DDR2: variants seen among roughly 807,000 people sequenced by gnomAD.
DDR2 encodes the protein discoidin domain receptor tyrosine kinase 2.
DDR2 carries 27 observed loss-of-function variants against 94.9 expected under a neutral mutation model. The ratio of observed to expected loss-of-function variants is 0.28; its 90% confidence interval spans 0.21 to 0.39. The LOEUF (loss-of-function observed/expected upper bound fraction) is 0.39, where lower values mean the gene tolerates loss of function less well. DDR2 is among the 10% of genes least tolerant of loss of function. The pLI, the probability that DDR2 is intolerant of heterozygous loss-of-function variation, is 1.00. For synonymous variants in DDR2, 382 were observed against 377.2 expected (o/e 1.01, Z -0.15); for missense variants, 783 against 1,076.0 (o/e 0.73, Z 3.81).
intron 11 of DDR2, among the ~76,000 whole-genome samples, chr1:162,767,663 C>A (rs1664064085): frequency 6.6e-6 from 1 of 152,032 alleles, no homozygotes; most frequent in Non-Finnish European, 1.5e-5. Flanking sequence ...TGGGTAGAGT[C>A]CAGGCATCCA....
intron 2 of DDR2, among the ~76,000 whole-genome samples, chr1:162,680,577 C>A (rs148264035): frequency 1.3e-5 from 2 of 152,144 alleles, no homozygotes; most frequent in African/African-American, 4.8e-5. Flanking sequence ...TAACATGATA[C>A]CTCCTGGTTT....
Position 162,755,669 on chromosome 1 carries a change from T to G in DDR2, c.571T>G (p.Leu191Val). ...ELYGCVWLDG[L>V]VSYNAPAGQQ... ...TGGCTGTGTTTCCTTTGCAGATGGC[T>G]TGGTGTCTTACAATGCTCCAGCTGG... The change falls in exon 7 of 18, where the codon TTG (leucine) becomes GTG (valine). Residue 191 changes from leucine to valine, a missense_variant. Leu to Val is a conservative substitution (Grantham distance 32). Around this residue, in one of 2 missense-constraint regions of DDR2, gnomAD observed 519 missense variants for 647.9 expected, o/e 0.80. Coordinates refer to ENST00000367921, the MANE Select transcript of DDR2 (RefSeq NM_006182.4). 6.2e-7 allele frequency: 1 copy of G among 1,614,146 alleles called. No homozygotes were observed. Among genetic ancestry groups the G allele is most frequent in the Non-Finnish European group, 8.5e-7 (1 of 1,179,982 alleles).
intron 3 of DDR2, among the ~76,000 whole-genome samples, chr1:162,726,650 G>A (rs1345909635): frequency 6.6e-6 from 1 of 152,132 alleles, no homozygotes; most frequent in Non-Finnish European, 1.5e-5. Context: ...ATGATCATGG[G>A]ACTCCAGGAA....
chr1:162,660,995 G>A (rs1428851965), intron 2 of DDR2, among the ~76,000 whole-genome samples: 1 of 152,148 alleles, frequency 6.6e-6, no homozygotes, highest in African/African-American at 2.4e-5. Context: ...TTTCCTTAAA[G>A]AATCAAATAG....
At chr1:162,744,938 C>T (rs1430337691) in intron 3 of DDR2, among the ~76,000 whole-genome samples, 3 of 152,150 alleles carry the variant, frequency 2.0e-5, no homozygotes, top group Non-Finnish European at 2.9e-5. Context: ...CTGACTGCAT[C>T]ATTTTACATT....
chr1:162,657,904 C>A (rs1255359780), intron 2 of DDR2, among the ~76,000 whole-genome samples: 1 of 152,056 alleles, frequency 6.6e-6, no homozygotes, highest in Non-Finnish European at 1.5e-5. Flanking sequence ...CCAACGCCCC[C>A]ACCTCGGCTC....
At chr1:162,640,516 G>A (rs1448499262) in intron 1 of DDR2, among the ~76,000 whole-genome samples, 1 of 152,078 alleles carries the variant, frequency 6.6e-6, no homozygotes, top group African/African-American at 2.4e-5. Context: ...ACCTACAACT[G>A]CTTTAAAAAG....
intron 1 of DDR2, among the ~76,000 whole-genome samples, chr1:162,639,237 GC>G (rs1455093348): frequency 1.3e-5 from 2 of 152,116 alleles, no homozygotes; most frequent in Non-Finnish European, 2.9e-5. Flanking sequence ...TGACTTCAAG[GC>G]TTACTGTAAA....
At chr1:162,727,645 T>A (rs1004844399) in intron 3 of DDR2, among the ~76,000 whole-genome samples, 1 of 149,482 alleles carries the variant, frequency 6.7e-6, no homozygotes, top group Non-Finnish European at 1.5e-5. Context: ...TGATTGCCTA[T>A]ATAAGCCAAG....
intron 1 of DDR2, among the ~76,000 whole-genome samples, chr1:162,647,180 C>G (rs1033589598): frequency 1.3e-5 from 2 of 152,096 alleles, no homozygotes; most frequent in South Asian, 4.1e-4. Context: ...GTAGAAAGTA[C>G]AAATCTATCT....
At position 162,754,613 on chromosome 1, in the gene DDR2, C is replaced by G; in HGVS notation, c.186-11C>G. On this transcript the variant is annotated splice_polypyrimidine_tract_variant and intron_variant, in intron 4 of 17. Transcript: ENST00000367921. ...GGTTGCTCCCTCTCTCCCCAACCCTCACCTCTCAAGGCTGGACTCAGAAGA... is the reference window on the plus strand; with the variant it reads ...GGTTGCTCCCTCTCTCCCCAACCCTGACCTCTCAAGGCTGGACTCAGAAGA... 1 of 1,613,868 alleles carries G rather than the reference C, an allele frequency of 6.2e-7. No homozygotes were observed. Among genetic ancestry groups the G allele is most frequent in the South Asian group, 1.1e-5 (1 of 91,074 alleles).
Position 162,767,298 on chromosome 1 carries a change from T to C in DDR2, c.1232T>C (p.Ile411Thr). Residue 411 changes from isoleucine (I) to threonine (T), a missense_variant, in exon 11 of 18, where the codon ATC becomes ACC. By Grantham distance (89) the Ile-to-Thr change is moderately conservative (BLOSUM62 -1). Coordinates refer to ENST00000367921, the MANE Select transcript of DDR2 (RefSeq NM_006182.4). ...GGCTGCTTGGTGGCCATCATCTTTA[T>C]CCTCCTGGCCATCATTGTCATCATC... Reference protein sequence around the residue: ...LIGCLVAIIFILLAIIVIILW... With the variant: ...LIGCLVAIIFTLLAIIVIILW... The C allele has an allele frequency of 1.9e-6, 3 of 1,614,138 alleles. No individual in the cohort carries two copies. Among genetic ancestry groups the C allele is most frequent in the Non-Finnish European group, 2.5e-6 (3 of 1,180,010 alleles).
intron 16 of DDR2, among the ~76,000 whole-genome samples, chr1:162,777,210 AT>A (rs948108518): frequency 6.6e-5 from 10 of 151,710 alleles, no homozygotes; most frequent in Non-Finnish European, 1.5e-4. Context: ...TTCTTAGAGG[AT>A]TTTTTTCTAT....
chr1:162,671,084 A>G (rs4656377), intron 2 of DDR2, among the ~76,000 whole-genome samples: 132,412 of 152,160 alleles, frequency 0.87, 58,954 homozygotes, highest in East Asian at 1. Flanking sequence ...GTCAGCACAC[A>G]TACACGCATG....
chr1:162,767,288 A>G lies in DDR2; in HGVS notation c.1222A>G (p.Ile408Val). The G allele has an allele frequency of 1.2e-6, 2 of 1,614,088 alleles. No homozygotes were observed. The highest frequency in any genetic ancestry group is 8.5e-7 in the Non-Finnish European group (1 of 1,179,992). The part of the protein sequence containing the change: ...TRILIGCLVA[I>V]IFILLAIIVI... ...GATCCTGATTGGCTGCTTGGTGGCC[A>G]TCATCTTTATCCTCCTGGCCATCAT... is the stretch of plus-strand genomic sequence containing the variant. The change falls in exon 11 of 18, where the codon ATC becomes GTC. Residue 408 changes from isoleucine (I) to valine (V), a missense_variant. Ile to Val is a conservative substitution (Grantham distance 29). Around this residue, in one of 2 missense-constraint regions of DDR2, gnomAD observed 519 missense variants for 647.9 expected, o/e 0.80. Transcript: ENST00000367921.
chr1:162,671,197 G>A (rs1473662239), intron 2 of DDR2, among the ~76,000 whole-genome samples: 2 of 152,082 alleles, frequency 1.3e-5, no homozygotes, highest in Admixed American at 6.6e-5. Flanking sequence ...AGGTCGTGGG[G>A]CACAGTAGAA....
intron 1 of DDR2, among the ~76,000 whole-genome samples, chr1:162,646,912 A>G (rs1657438841): frequency 6.6e-6 from 1 of 152,188 alleles, no homozygotes; most frequent in Admixed American, 6.5e-5. Context: ...ACTGCATTAG[A>G]CTGTGGATGC....
At chr1:162,664,233 A>G (rs191394414) in intron 2 of DDR2, among the ~76,000 whole-genome samples, 130 of 152,316 alleles carry the variant, frequency 8.5e-4, no homozygotes, top group African/African-American at 3.0e-3. Context: ...AACTGCTTTC[A>G]TTCAATAAAA....
At chr1:162,673,781 T>A (rs1209971151) in intron 2 of DDR2, among the ~76,000 whole-genome samples, 1 of 152,062 alleles carries the variant, frequency 6.6e-6, no homozygotes, top group South Asian at 2.1e-4. Flanking sequence ...AGTTCCAGCA[T>A]TTCCCCCCAT....
Sources: gnomAD v4.1 joint callset for allele counts (sites outside exome capture counted in the v4.1 genomes callset) on GRCh38, gnomAD v4.1.1 for gene constraint, gnomAD v4.1.1 regional missense constraint, MANE v1.5 for transcripts, NCBI Gene and HGNC (gene_info 2026-07-23, HGNC 2026-07-21) for gene names.